HYCC2: variants seen among roughly 807,000 people sequenced by gnomAD.
HYCC2 encodes the protein hyccin 2.
the HYCC2 span, among the ~76,000 whole-genome samples, chr2:201,055,891 T>G: frequency 2.0e-4 from 30 of 151,502 alleles, no homozygotes; most frequent in African/African-American, 6.8e-4. Flanking sequence ...AAAGACCCTA[T>G]CTCTAAAATA....
chr2:201,047,859 T>C, the HYCC2 span, among the ~76,000 whole-genome samples: 2 of 141,528 alleles, frequency 1.4e-5, no homozygotes, highest in African/African-American at 2.7e-5. Flanking sequence ...AAAACTATCC[T>C]TCAAAAATAA....
the HYCC2 span, among the ~76,000 whole-genome samples, chr2:201,015,833 G>A: frequency 4.9e-4 from 74 of 152,202 alleles, no homozygotes; most frequent in Admixed American, 7.2e-4. Context: ...TCAATTGATA[G>A]CTGCTTCCAG....
At chr2:201,001,226 G>A in the HYCC2 span, among the ~76,000 whole-genome samples, 1 of 151,912 alleles carries the variant, frequency 6.6e-6, no homozygotes, top group African/African-American at 2.4e-5. Context: ...TCTAGAAGGT[G>A]CCATCTATGA....
the HYCC2 span, among the ~76,000 whole-genome samples, chr2:200,983,777 G>A: frequency 1.3e-5 from 2 of 152,136 alleles, no homozygotes; most frequent in Non-Finnish European, 2.9e-5. Context: ...AACTGGGAGT[G>A]AACAGAAATG....
the HYCC2 span, among the ~76,000 whole-genome samples, chr2:201,042,865 C>T: frequency 6.6e-6 from 1 of 151,270 alleles, no homozygotes; most frequent in Non-Finnish European, 1.5e-5. Flanking sequence ...GGGGGGGCCC[C>T]TCTGCCCGGC....
At chr2:201,055,399 A>AAC in the HYCC2 span, among the ~76,000 whole-genome samples, 1 of 151,650 alleles carries the variant, frequency 6.6e-6, no homozygotes. Context: ...AAAAAAAAAA[A>AAC]CAAACACTAA....
the HYCC2 span, chr2:201,045,377 T>C: frequency 2.5e-6 from 1 of 393,740 alleles, no homozygotes; most frequent in Non-Finnish European, 4.5e-6. Flanking sequence ...GTCATTATGT[T>C]AGGTAAAACT....
chr2:201,013,663 G>T, the HYCC2 span, among the ~76,000 whole-genome samples: 2 of 152,190 alleles, frequency 1.3e-5, no homozygotes, highest in Admixed American at 1.3e-4. Context: ...GTCCCTTGAG[G>T]GTATAACTTC....
chr2:201,015,884 C>T, the HYCC2 span, among the ~76,000 whole-genome samples: 8 of 152,178 alleles, frequency 5.3e-5, no homozygotes, highest in Non-Finnish European at 1.0e-4. Flanking sequence ...CAAAACTATA[C>T]CTCTTCATAA....
the HYCC2 span, chr2:200,974,560 A>C: frequency 6.6e-6 from 1 of 151,942 alleles, no homozygotes; most frequent in Non-Finnish European, 1.5e-5. Flanking sequence ...TGGATGATAA[A>C]ACTTAAAAAC....
the HYCC2 span, among the ~76,000 whole-genome samples, chr2:201,012,330 G>C: frequency 6.6e-6 from 1 of 151,988 alleles, no homozygotes; most frequent in African/African-American, 2.4e-5. Flanking sequence ...GCATGGTATC[G>C]CAGGCCTGTA....
chr2:200,985,990 T>A, the HYCC2 span, among the ~76,000 whole-genome samples: 1 of 152,222 alleles, frequency 6.6e-6, no homozygotes, highest in Non-Finnish European at 1.5e-5. Flanking sequence ...TAGTAGTAGA[T>A]AAGTGGCTCA....
the HYCC2 span, chr2:201,021,806 C>A: frequency 3.3e-6 from 1 of 301,008 alleles, no homozygotes; most frequent in East Asian, 8.7e-5. Flanking sequence ...ATTCTGAAAA[C>A]TCTTGACCAT....
At chr2:200,981,269 A>G in the HYCC2 span, 4 of 1,611,186 alleles carry the variant, frequency 2.5e-6, no homozygotes, top group East Asian at 8.9e-5. This position sits in a 1 kb window ranked among gnomAD's most constrained non-coding sequence, Gnocchi z 4.5. Flanking sequence ...GGATGTCAAA[A>G]CTACACCTGG....
chr2:201,009,518 G>A, the HYCC2 span: 1 of 154,958 alleles, frequency 6.5e-6, no homozygotes, highest in Non-Finnish European at 1.4e-5. Flanking sequence ...GGAGTGCAGT[G>A]GCACAATCTT....
At chr2:201,070,665 A>G in the HYCC2 span, among the ~76,000 whole-genome samples, 3 of 152,056 alleles carry the variant, frequency 2.0e-5, no homozygotes, top group South Asian at 2.1e-4. Flanking sequence ...AAAAAAAAAA[A>G]GTTTATTTTT....
chr2:201,037,085 A>G, the HYCC2 span, among the ~76,000 whole-genome samples: 2 of 152,224 alleles, frequency 1.3e-5, no homozygotes, highest in Non-Finnish European at 2.9e-5. Flanking sequence ...AATCACAAGC[A>G]TTCTTATACA....
chr2:201,057,334 T>C, the HYCC2 span, among the ~76,000 whole-genome samples: 1 of 152,328 alleles, frequency 6.6e-6, no homozygotes, highest in East Asian at 1.9e-4. Flanking sequence ...CAGAAATCAT[T>C]TCTGTAGAAA....
At chr2:201,038,581 A>G in the HYCC2 span, among the ~76,000 whole-genome samples, 1 of 152,340 alleles carries the variant, frequency 6.6e-6, no homozygotes, top group East Asian at 1.9e-4. Context: ...GGATGAGTTC[A>G]TGTCCTTTGT....
Sources: gnomAD v4.1 joint callset for allele counts (sites outside exome capture counted in the v4.1 genomes callset) on GRCh38, gnomAD v4.1.1 for gene constraint, Gnocchi (gnomAD v3.1) non-coding constraint, MANE v1.5 for transcripts, NCBI Gene and HGNC (gene_info 2026-07-23, HGNC 2026-07-21) for gene names.